Variants in ARK2C observed in about 807,000 individuals in gnomAD.
ARK2C encodes E3 ubiquitin-protein ligase ARK2C.
At chr18:46,412,719 T>C in the ARK2C span, among the ~76,000 whole-genome samples, 1 of 151,626 alleles carries the variant, frequency 6.6e-6, no homozygotes, top group Non-Finnish European at 1.5e-5. Flanking sequence ...CCCCCACCCC[T>C]CCCAACTCTT....
the ARK2C span, among the ~76,000 whole-genome samples, chr18:46,340,957 G>A: frequency 2.6e-5 from 4 of 152,226 alleles, no homozygotes; most frequent in Non-Finnish European, 5.9e-5. Flanking sequence ...GAGGGAATGA[G>A]TGATTTTGGC....
At chr18:46,383,086 C>T in the ARK2C span, among the ~76,000 whole-genome samples, 1 of 152,258 alleles carries the variant, frequency 6.6e-6, no homozygotes, top group Non-Finnish European at 1.5e-5. Flanking sequence ...TCTCAGCATG[C>T]TGGGCCAGGA....
the ARK2C span, among the ~76,000 whole-genome samples, chr18:46,371,344 G>A: frequency 3.0e-4 from 45 of 152,252 alleles, no homozygotes; most frequent in Middle Eastern, 3.4e-3. Flanking sequence ...CCACTGCAAG[G>A]AGGGTCACGG....
At chr18:46,428,058 G>A in the ARK2C span, among the ~76,000 whole-genome samples, 1 of 152,188 alleles carries the variant, frequency 6.6e-6, no homozygotes, top group African/African-American at 2.4e-5. Flanking sequence ...CAGTGTGGAC[G>A]GCTGCGGGAG....
At chr18:46,404,242 C>T in the ARK2C span, among the ~76,000 whole-genome samples, 1 of 152,156 alleles carries the variant, frequency 6.6e-6, no homozygotes, top group African/African-American at 2.4e-5. Context: ...TGCTACGTTA[C>T]AGCATAGCAT....
At chr18:46,383,163 T>TG in the ARK2C span, among the ~76,000 whole-genome samples, 1 of 152,150 alleles carries the variant, frequency 6.6e-6, no homozygotes, top group South Asian at 2.1e-4. Flanking sequence ...GGCCAGATGA[T>TG]GGCTTCCAAA....
the ARK2C span, among the ~76,000 whole-genome samples, chr18:46,368,544 T>G: frequency 6.6e-6 from 1 of 152,234 alleles, no homozygotes; most frequent in Non-Finnish European, 1.5e-5. Flanking sequence ...CCAGCTCCAC[T>G]GGTCATTTAG....
At chr18:46,337,230 A>C in the ARK2C span, 98 of 985,410 alleles carry the variant, frequency 9.9e-5, no homozygotes, top group African/African-American at 1.7e-3. Context: ...AAAAAAGAAA[A>C]GAAAAGAAAA....
chr18:46,406,345 G>T, the ARK2C span, among the ~76,000 whole-genome samples: 1 of 152,234 alleles, frequency 6.6e-6, no homozygotes, highest in Non-Finnish European at 1.5e-5. Context: ...ACTTGGGATG[G>T]CCCCAGCCTC....
chr18:46,386,929 C>CA, the ARK2C span: 2 of 152,328 alleles, frequency 1.3e-5, no homozygotes, highest in African/African-American at 4.8e-5. Flanking sequence ...GGCGGAGGAG[C>CA]AGCTACTCCT....
At chr18:46,435,776 G>T in the ARK2C span, among the ~76,000 whole-genome samples, 1 of 152,190 alleles carries the variant, frequency 6.6e-6, no homozygotes, top group Admixed American at 6.5e-5. Context: ...AAGGCTTTCT[G>T]GAGCAGGTGC....
At chr18:46,450,737 G>T in the ARK2C span, 1 of 1,614,020 alleles carries the variant, frequency 6.2e-7, no homozygotes, top group South Asian at 1.1e-5. Flanking sequence ...GTTGGGTAAT[G>T]TGACTCGGGG....
At chr18:46,367,742 A>C in the ARK2C span, among the ~76,000 whole-genome samples, 1 of 152,194 alleles carries the variant, frequency 6.6e-6, no homozygotes, top group Non-Finnish European at 1.5e-5. Context: ...TTTAGTCAAG[A>C]TCAGAGCCCA....
chr18:46,432,947 A>AAAAT, the ARK2C span, among the ~76,000 whole-genome samples: 134 of 151,012 alleles, frequency 8.9e-4, no homozygotes, highest in East Asian at 5.0e-3. Context: ...TCCGTCTCAA[A>AAAAT]AAATAAATAA....
the ARK2C span, among the ~76,000 whole-genome samples, chr18:46,430,668 G>A: frequency 6.6e-6 from 1 of 151,786 alleles, no homozygotes. Context: ...TTCTCATTCC[G>A]GTTTCTGAGA....
At chr18:46,411,830 G>A in the ARK2C span, among the ~76,000 whole-genome samples, 14 of 152,382 alleles carry the variant, frequency 9.2e-5, no homozygotes, top group South Asian at 2.5e-3. Flanking sequence ...ACAGCCTGGG[G>A]CTGAGCCGTG....
the ARK2C span, among the ~76,000 whole-genome samples, chr18:46,352,777 A>G: frequency 6.6e-6 from 1 of 152,226 alleles, no homozygotes; most frequent in Non-Finnish European, 1.5e-5. Context: ...GAAGCTGGGA[A>G]GTCTTATATA....
At chr18:46,433,552 G>A in the ARK2C span, 1 of 1,512,400 alleles carries the variant, frequency 6.6e-7, no homozygotes, top group Middle Eastern at 2.1e-4. Flanking sequence ...GGGGTCGGGT[G>A]AGGGGGCAGG....
the ARK2C span, among the ~76,000 whole-genome samples, chr18:46,378,690 A>C: frequency 1.1e-4 from 17 of 152,248 alleles, no homozygotes; most frequent in East Asian, 9.7e-4. Flanking sequence ...TGAACCCATA[A>C]ATACACATTC....
Sources: gnomAD v4.1 joint callset for allele counts (sites outside exome capture counted in the v4.1 genomes callset) on GRCh38, gnomAD v4.1.1 for gene constraint, MANE v1.5 for transcripts, NCBI Gene and HGNC (gene_info 2026-07-23, HGNC 2026-07-21) for gene names.